ARID5B: variants seen among roughly 807,000 people sequenced by gnomAD.
The protein encoded by ARID5B is AT-rich interaction domain 5B.
Under a neutral mutation model 97.2 loss-of-function variants are expected in ARID5B, and 13 were observed. That is an observed-to-expected ratio of 0.13 (90% CI 0.09 to 0.21). The LOEUF is 0.21. Among genes scored for constraint, ARID5B ranks in the 10% least tolerant of loss-of-function variants. The pLI, the probability that ARID5B is intolerant of heterozygous loss-of-function variation, is 1.00. For synonymous variants in ARID5B, 556 were observed against 570.3 expected (o/e 0.97, Z 0.36); for missense variants, 1,210 against 1,465.3 (o/e 0.83, Z 2.84).
chr10:62,034,784 T>G (rs948312350), intron 4 of ARID5B, among the ~76,000 whole-genome samples: 16 of 152,264 alleles, frequency 1.1e-4, no homozygotes, highest in African/African-American at 3.6e-4. Context: ...TTATTGGAAT[T>G]TAAATGTAAT....
At position 62,091,035 on chromosome 10, in the gene ARID5B, C is replaced by T. The variant is rs749425683; in HGVS notation, c.1572C>T (p.Ser524=). Residue 524 remains serine (S), a synonymous_variant, in exon 10 of 10, where the codon TCC becomes TCT. Coordinates refer to ENST00000279873, the MANE Select transcript of ARID5B (RefSeq NM_032199.3). Reference sequence around the variant, plus strand: ...AGGACAACGAAACAGACCAAGGTTCCAACAGTGAGAAGGTGGCAGAGGAGG... The same window carrying T: ...AGGACAACGAAACAGACCAAGGTTCTAACAGTGAGAAGGTGGCAGAGGAGG... ...PEKDNETDQG[S]NSEKVAEEAG... is the part of the protein sequence containing the mutation. 6 of 1,614,002 alleles carry T rather than the reference C, an allele frequency of 3.7e-6. No homozygotes were observed. In the African/African-American group the frequency reaches 8.0e-5, roughly 22 times the overall value.
At chr10:62,064,283 A>G (rs1253248405) in intron 7 of ARID5B, among the ~76,000 whole-genome samples, 10 of 152,234 alleles carry the variant, frequency 6.6e-5, no homozygotes, top group Admixed American at 3.9e-4. Context: ...GAAAGGCTCC[A>G]GTTCCTGGAG....
At chr10:61,978,033 T>C (rs1162794519) in intron 3 of ARID5B, among the ~76,000 whole-genome samples, 1 of 152,272 alleles carries the variant, frequency 6.6e-6, no homozygotes, top group East Asian at 1.9e-4. Context: ...AATTAATTTT[T>C]GTATAAGCTG....
intron 9 of ARID5B, among the ~76,000 whole-genome samples, chr10:62,086,761 G>A (rs1281017709): frequency 2.0e-5 from 3 of 151,170 alleles, no homozygotes; most frequent in Non-Finnish European, 1.5e-5. Context: ...TCAAGAGGCT[G>A]AGGTGGGAGG....
At chr10:62,021,697 A>G (rs146612435) in intron 4 of ARID5B, among the ~76,000 whole-genome samples, 2,612 of 152,304 alleles carry the variant, frequency 0.017, 27 homozygotes, top group Non-Finnish European at 0.025. Flanking sequence ...TTTCTACAAC[A>G]ATGTTTATGT....
At chr10:62,056,395 C>T (rs1017755514) in intron 5 of ARID5B, among the ~76,000 whole-genome samples, 4 of 152,114 alleles carry the variant, frequency 2.6e-5, no homozygotes, top group Non-Finnish European at 4.4e-5. Context: ...TTGTTTCCTA[C>T]TGAGGGTGTA....
rs1314539392 is a variant in ARID5B at position 62,007,502 on chromosome 10, T to C, written c.733+7181T>C. 2.6e-5 allele frequency among the ~76,000 whole-genome samples: 4 copies of C among 152,210 alleles called. No homozygotes were observed. In the East Asian group the frequency reaches 7.7e-4, roughly 29 times the overall value. ...GGGGAGTGACAAAATGTGAGATAAC[T>C]GTGGACCTGACCTCACAGGTATTGA... is the stretch of plus-strand genomic sequence containing the variant. On this transcript the variant is annotated intron_variant, in intron 4 of 9. Coordinates refer to ENST00000279873, the MANE Select transcript of ARID5B (RefSeq NM_032199.3).
At chr10:61,973,113 A>T (rs1014788904) in intron 3 of ARID5B, among the ~76,000 whole-genome samples, 1 of 152,176 alleles carries the variant, frequency 6.6e-6, no homozygotes, top group African/African-American at 2.4e-5. Context: ...AGAACCATCC[A>T]CAATGAGCCT....
intron 8 of ARID5B, among the ~76,000 whole-genome samples, chr10:62,076,153 G>A (rs975048286): frequency 2.4e-4 from 37 of 152,104 alleles, no homozygotes; most frequent in African/African-American, 8.7e-4. Flanking sequence ...GAGCCACCAC[G>A]ACTCATTAGA....
intron 8 of ARID5B, among the ~76,000 whole-genome samples, chr10:62,078,332 T>TA (rs951368236): frequency 2.2e-4 from 33 of 151,670 alleles, no homozygotes; most frequent in African/African-American, 7.3e-4. Flanking sequence ...CTACTAAAAA[T>TA]AAAAAAAATA....
intron 3 of ARID5B, among the ~76,000 whole-genome samples, chr10:61,993,953 G>A (rs532910750): frequency 4.6e-5 from 7 of 151,898 alleles, no homozygotes; most frequent in East Asian, 3.9e-4. Context: ...GCTTTATAAC[G>A]TGAGCACATT....
At chr10:62,038,754 T>C (rs1282185580) in intron 4 of ARID5B, among the ~76,000 whole-genome samples, 3 of 152,234 alleles carry the variant, frequency 2.0e-5, no homozygotes, top group South Asian at 4.1e-4. Context: ...AGATGAATGT[T>C]GTCACCTGTA....
chr10:61,917,716 A>G (rs1410883224), intron 2 of ARID5B, among the ~76,000 whole-genome samples: 1 of 152,212 alleles, frequency 6.6e-6, no homozygotes, highest in Non-Finnish European at 1.5e-5. Flanking sequence ...TTCTGTAACT[A>G]AAGCAAAAAG....
chr10:62,045,126 T>C (rs1041650307), intron 4 of ARID5B, among the ~76,000 whole-genome samples: 2 of 152,240 alleles, frequency 1.3e-5, no homozygotes, highest in Non-Finnish European at 2.9e-5. Context: ...TGAGAGCTTC[T>C]AGTTTTCTTT....
chr10:62,000,622 A>G lies in ARID5B; in HGVS notation c.733+301A>G, dbSNP rs1251586967. Among the ~76,000 whole-genome samples, 2 of 152,158 alleles carry G rather than the reference A, an allele frequency of 1.3e-5. No homozygotes were observed. The highest frequency in any genetic ancestry group is 2.9e-5 in the Non-Finnish European group (2 of 68,028). The stretch of plus-strand genomic sequence containing the variant: ...GAAGCTTTCATGTTACTTTTCTCTC[A>G]AAAGGCTTTGTCTATTCAAATGCTT... On this transcript the variant is annotated intron_variant, in intron 4 of 9. Transcript: ENST00000279873. The surrounding 1 kb of genome is among the most constrained non-coding windows in gnomAD (Gnocchi z 4.4).
intron 3 of ARID5B, among the ~76,000 whole-genome samples, chr10:61,968,852 A>G (rs1364456702): frequency 6.6e-6 from 1 of 152,216 alleles, no homozygotes; most frequent in Non-Finnish European, 1.5e-5. Flanking sequence ...GCTTTCAACA[A>G]TCCCAAAGAC....
At chr10:62,059,158 G>C in intron 6 of ARID5B, 85 bp from the exon 7 acceptor site, 1 of 1,114,328 alleles carries the variant, frequency 9.0e-7, no homozygotes. Flanking sequence ...TCTCTTTCTC[G>C]TTGAAAAAAA....
intron 3 of ARID5B, among the ~76,000 whole-genome samples, chr10:61,950,042 C>A (rs1005395488): frequency 6.6e-6 from 1 of 152,118 alleles, no homozygotes; most frequent in East Asian, 1.9e-4. Context: ...GAGGTTTGCT[C>A]TGTCACCCAG....
chr10:62,055,345 A>G (rs989781755), intron 5 of ARID5B, among the ~76,000 whole-genome samples: 1 of 152,068 alleles, frequency 6.6e-6, no homozygotes, highest in Admixed American at 6.6e-5. Context: ...CATCCTGTCT[A>G]CCTCCGTTTC....
Sources: gnomAD v4.1 joint callset for allele counts (sites outside exome capture counted in the v4.1 genomes callset) on GRCh38, gnomAD v4.1.1 for gene constraint, Gnocchi (gnomAD v3.1) non-coding constraint, MANE v1.5 for transcripts, NCBI Gene and HGNC (gene_info 2026-07-23, HGNC 2026-07-21) for gene names.